Variants in KLF8 observed in about 807,000 individuals in gnomAD.
KLF8 encodes the protein Krueppel-like factor 8.
A neutral mutation model predicts 18.2 loss-of-function variants in KLF8; 10 were observed. The ratio of observed to expected loss-of-function variants is 0.55; its 90% confidence interval spans 0.34 to 0.93. KLF8 has a LOEUF of 0.93. Among genes scored for constraint, KLF8 ranks in the 40% least tolerant of loss-of-function variants. The probability of loss-of-function intolerance (pLI) is 0.02; values close to 1 mark genes in which losing one functional copy is unlikely to be tolerated. For missense variants in KLF8, 264 were observed against 277.9 expected (o/e 0.95, Z 0.36); for synonymous variants, 109 against 97.3 (o/e 1.12, Z -0.71).
the KLF8 span, among the ~76,000 whole-genome samples, chrX:56,007,705 G>A: frequency 9.0e-6 from 1 of 111,326 alleles, no homozygotes; most frequent in South Asian, 3.8e-4. Context: ...GGTGCCTGTA[G>A]TAAACCATCT....
the KLF8 span, among the ~76,000 whole-genome samples, chrX:55,942,737 A>G: frequency 9.0e-6 from 1 of 111,710 alleles, no homozygotes; most frequent in Non-Finnish European, 1.9e-5. Context: ...AGAGTTAGAC[A>G]TGTGAAACAT....
At chrX:56,158,064 G>C in the KLF8 span, among the ~76,000 whole-genome samples, 1 of 111,649 alleles carries the variant, frequency 9.0e-6, no homozygotes, top group African/African-American at 3.3e-5. Context: ...ATTAATTTTT[G>C]TATAAGGTGT....
the KLF8 span, among the ~76,000 whole-genome samples, chrX:55,920,539 A>G: frequency 6.3e-5 from 7 of 111,221 alleles, no homozygotes; most frequent in African/African-American, 1.6e-4. Flanking sequence ...AGGATAGGAA[A>G]GGAAAATTCT....
chrX:56,104,440 T>C, the KLF8 span, among the ~76,000 whole-genome samples: 1 of 111,724 alleles, frequency 9.0e-6, no homozygotes, highest in African/African-American at 3.3e-5. Context: ...TGGTTTAGTC[T>C]TGGGAGGGTG....
the KLF8 span, among the ~76,000 whole-genome samples, chrX:55,982,487 T>G: frequency 8.9e-6 from 1 of 112,193 alleles, no homozygotes; most frequent in Admixed American, 9.5e-5. Context: ...AATATCCTTC[T>G]AACTGATCCT....
chrX:55,977,945 C>A, the KLF8 span, among the ~76,000 whole-genome samples: 1 of 110,057 alleles, frequency 9.1e-6, no homozygotes, highest in Admixed American at 9.8e-5. Context: ...TTTTTTTGGT[C>A]TACGTTATAA....
chrX:56,081,923 G>A, the KLF8 span, among the ~76,000 whole-genome samples: 1 of 111,525 alleles, frequency 9.0e-6, no homozygotes, highest in Admixed American at 9.5e-5. Flanking sequence ...AGTTTTTGTG[G>A]TATATTAATC....
At chrX:55,916,862 A>G in the KLF8 span, among the ~76,000 whole-genome samples, 2 of 110,388 alleles carry the variant, frequency 1.8e-5, no homozygotes, top group East Asian at 5.7e-4. Context: ...CCTTCCTGAC[A>G]CTCCTTACTG....
chrX:55,937,740 T>A, the KLF8 span, among the ~76,000 whole-genome samples: 1 of 112,372 alleles, frequency 8.9e-6, no homozygotes, highest in Non-Finnish European at 1.9e-5. Context: ...CATGCGTCAG[T>A]AGCTGATTTC....
At chrX:55,947,100 C>T in the KLF8 span, among the ~76,000 whole-genome samples, 2 of 111,144 alleles carry the variant, frequency 1.8e-5, no homozygotes, top group African/African-American at 6.6e-5. Context: ...GGATCTAGAA[C>T]TAGAAATACC....
At chrX:56,036,594 TTTTGAAG>T in the KLF8 span, among the ~76,000 whole-genome samples, 1 of 112,314 alleles carries the variant, frequency 8.9e-6, no homozygotes, top group Admixed American at 9.5e-5. Flanking sequence ...TTGTAGTATA[TTTTGAAG>T]TTCAGCAGTG....
At chrX:56,189,767 A>G in the KLF8 span, among the ~76,000 whole-genome samples, 1 of 105,666 alleles carries the variant, frequency 9.5e-6, no homozygotes, top group African/African-American at 3.4e-5. Flanking sequence ...AACTATCACG[A>G]GGACAAAAAT....
the KLF8 span, among the ~76,000 whole-genome samples, chrX:56,200,633 C>G: frequency 1.8e-5 from 2 of 109,232 alleles, no homozygotes; most frequent in Non-Finnish European, 3.8e-5. Flanking sequence ...TAGAAAACCT[C>G]TGAGCAGCAA....
At chrX:56,243,797 G>A (rs1251227712) in intron 1 of KLF8, among the ~76,000 whole-genome samples, 2 of 110,304 alleles carry the variant, frequency 1.8e-5, no homozygotes, top group Non-Finnish European at 3.8e-5. Flanking sequence ...GCCTCCAAAA[G>A]TGCTAGGATA....
the KLF8 span, among the ~76,000 whole-genome samples, chrX:56,161,307 G>A: frequency 2.7e-5 from 3 of 110,845 alleles, no homozygotes; most frequent in Non-Finnish European, 5.7e-5. Flanking sequence ...ACCTTTGAAT[G>A]TTGGCCTGCC....
the KLF8 span, among the ~76,000 whole-genome samples, chrX:56,101,333 G>T: frequency 9.0e-6 from 1 of 111,640 alleles, no homozygotes; most frequent in Admixed American, 9.6e-5. Context: ...TAATTACACG[G>T]TCTATATGTA....
the KLF8 span, among the ~76,000 whole-genome samples, chrX:56,154,781 A>G: frequency 1.8e-5 from 2 of 112,043 alleles, no homozygotes; most frequent in South Asian, 3.7e-4. Context: ...AACCCCATCA[A>G]CAAGTGGGCA....
the KLF8 span, among the ~76,000 whole-genome samples, chrX:55,931,360 C>G: frequency 4.5e-5 from 5 of 111,387 alleles, no homozygotes; most frequent in Non-Finnish European, 1.9e-5. Flanking sequence ...TTTTTTGTAT[C>G]TCTATCTCTT....
At chrX:56,128,112 A>G in the KLF8 span, among the ~76,000 whole-genome samples, 1 of 111,721 alleles carries the variant, frequency 9.0e-6, no homozygotes, top group Non-Finnish European at 1.9e-5. Flanking sequence ...TTCATTGAGA[A>G]AGCATTCCAG....
Sources: gnomAD v4.1 joint callset for allele counts (sites outside exome capture counted in the v4.1 genomes callset) on GRCh38, gnomAD v4.1.1 for gene constraint, MANE v1.5 for transcripts, NCBI Gene and HGNC (gene_info 2026-07-23, HGNC 2026-07-21) for gene names.